Variants in CRB1 observed in about 807,000 individuals in gnomAD.
The protein encoded by CRB1 is protein crumbs homolog 1.
CRB1 carries 83 observed loss-of-function variants against 120.0 expected under a neutral mutation model. The observed-to-expected ratio is 0.69, with a 90% CI of 0.58 to 0.83. The LOEUF (loss-of-function observed/expected upper bound fraction) is 0.83, where lower values mean the gene tolerates loss of function less well. Among genes scored for constraint, CRB1 ranks in the 40% least tolerant of loss-of-function variants. The pLI is 0.00. For synonymous variants in CRB1, 625 were observed against 612.5 expected, an observed-to-expected ratio of 1.02 and a Z score of -0.30; for missense variants, 1,699 against 1,687.6, an observed-to-expected ratio of 1.01 and a Z score of -0.12.
the CRB1 span, among the ~76,000 whole-genome samples, chr1:197,260,132 G>A: frequency 1.2e-4 from 18 of 151,902 alleles, no homozygotes; most frequent in Admixed American, 1.1e-3. Context: ...TCCAGGCTGG[G>A]TGACAGAGTG....
rs1204363918 is a variant in CRB1, at chr1:197,421,884, C to T, written c.2056C>T (p.Arg686Cys). Residue 686 changes from arginine to cysteine, a missense_variant, in exon 6 of 12, where the codon CGC becomes TGC. Arg to Cys is a radical substitution (Grantham distance 180). Transcript: ENST00000367400. Reference sequence around the variant, plus strand: ...AAGCCAACCTTGTCAAAGCAGAGGACGCTGCATCAACTTGTGGCTGAGTTA... The same window carrying T: ...AAGCCAACCTTGTCAAAGCAGAGGATGCTGCATCAACTTGTGGCTGAGTTA... ...CESQPCQSRGRCINLWLSYQC... is the reference protein window; with the variant it reads ...CESQPCQSRGCCINLWLSYQC... 9 of 1,614,154 alleles carry T rather than the reference C, an allele frequency of 5.6e-6. No homozygotes were observed. The highest frequency in any genetic ancestry group is 2.7e-5 in the African/African-American group (2 of 75,040).
intron 1 of CRB1, among the ~76,000 whole-genome samples, chr1:197,307,907 AC>A (rs1331665509): frequency 6.6e-6 from 1 of 152,142 alleles, no homozygotes; most frequent in Non-Finnish European, 1.5e-5. Context: ...TTTTCGAGCT[AC>A]CATTTAACCC....
intron 4 of CRB1, among the ~76,000 whole-genome samples, chr1:197,356,105 T>C (rs2125353054): frequency 6.6e-6 from 1 of 152,366 alleles, no homozygotes; most frequent in East Asian, 1.9e-4. Flanking sequence ...ATTACTAACA[T>C]GGCTAGACTG....
intron 1 of CRB1, among the ~76,000 whole-genome samples, chr1:197,282,901 G>C (rs1175279425): frequency 1.3e-5 from 2 of 151,506 alleles, no homozygotes; most frequent in Admixed American, 1.3e-4. Context: ...CCCTCTCCTG[G>C]GTTCCCAAAT....
At chr1:197,380,706 A>G (rs146586036) in intron 5 of CRB1, among the ~76,000 whole-genome samples, 2,112 of 152,236 alleles carry the variant, frequency 0.014, 44 homozygotes, top group Non-Finnish European at 0.015. Flanking sequence ...AAATGCTACA[A>G]GAAATTAAAA....
chr1:197,287,432 C>G (rs1161175547), intron 1 of CRB1, among the ~76,000 whole-genome samples: 3 of 151,838 alleles, frequency 2.0e-5, no homozygotes, highest in Admixed American at 6.6e-5. Context: ...GACTTACTTT[C>G]AGTTTCCTAA....
intron 3 of CRB1, among the ~76,000 whole-genome samples, chr1:197,346,546 C>T (rs566841774): frequency 2.2e-4 from 33 of 152,242 alleles, no homozygotes; most frequent in Middle Eastern, 3.4e-3. Context: ...ACAGCCATAG[C>T]GAAGAGGACT....
intron 11 of CRB1, among the ~76,000 whole-genome samples, chr1:197,449,139 A>G (rs1665835543): frequency 6.6e-6 from 1 of 152,190 alleles, no homozygotes; most frequent in Non-Finnish European, 1.5e-5. Context: ...CCTTAGTTGT[A>G]ACATCATAGT....
At chr1:197,313,093 G>C (rs1657638975) in intron 1 of CRB1, among the ~76,000 whole-genome samples, 1 of 152,106 alleles carries the variant, frequency 6.6e-6, no homozygotes, top group African/African-American at 2.4e-5. Context: ...CATGGCCAAA[G>C]GTGAAGGGGA....
chr1:197,253,062 A>AGTGCATGATGTATATGATG, the CRB1 span, among the ~76,000 whole-genome samples: 1 of 152,074 alleles, frequency 6.6e-6, no homozygotes, highest in Non-Finnish European at 1.5e-5. Context: ...ACATGAAATT[A>AGTGCATGATGTATATGATG]ACCATCATAA....
At chr1:197,265,372 T>C (rs1427704415), upstream of CRB1, among the ~76,000 whole-genome samples, 1 of 151,114 alleles carries the variant, frequency 6.6e-6, no homozygotes, top group African/African-American at 2.4e-5. Context: ...CTTCCTTTTG[T>C]CCTCCCTTCC....
chr1:197,415,190 T>C (rs933571521), intron 5 of CRB1, among the ~76,000 whole-genome samples: 7 of 152,180 alleles, frequency 4.6e-5, no homozygotes, highest in African/African-American at 1.7e-4. Context: ...AAAGGATAAA[T>C]GAGAGTGTAC....
chr1:197,201,784 G>A, the CRB1 span, among the ~76,000 whole-genome samples: 3 of 152,202 alleles, frequency 2.0e-5, no homozygotes, highest in East Asian at 3.8e-4. Flanking sequence ...ACCCAGCGAT[G>A]CTGATCTCGT....
At chr1:197,205,249 C>T in the CRB1 span, among the ~76,000 whole-genome samples, 2 of 151,922 alleles carry the variant, frequency 1.3e-5, no homozygotes, top group African/African-American at 2.4e-5. Flanking sequence ...CTTTATTTCT[C>T]GTCTGATTGT....
chr1:197,395,438 T>C (rs1662724155), intron 5 of CRB1, among the ~76,000 whole-genome samples: 1 of 152,168 alleles, frequency 6.6e-6, no homozygotes, highest in South Asian at 2.1e-4. Context: ...CTTAGAAGAT[T>C]GCATGATATG....
At chr1:197,369,330 CA>C (rs1467113253) in intron 5 of CRB1, among the ~76,000 whole-genome samples, 3 of 152,082 alleles carry the variant, frequency 2.0e-5, no homozygotes, top group Admixed American at 1.3e-4. Flanking sequence ...AGAAGACCCT[CA>C]GAAACACCCC....
the CRB1 span, among the ~76,000 whole-genome samples, chr1:197,209,376 G>A: frequency 1.5e-4 from 23 of 151,958 alleles, no homozygotes; most frequent in African/African-American, 2.9e-4. Flanking sequence ...ATGGAGTCTC[G>A]CTCTGTTGCC....
Position 197,421,906 on chromosome 1 carries a change from GTTA to G in CRB1, c.2079_2081del (p.Tyr694del). The G allele has an allele frequency of 1.2e-6, 2 of 1,614,198 alleles. No homozygotes were observed. The highest frequency in any genetic ancestry group is 1.7e-6 in the Non-Finnish European group (2 of 1,180,044). ...GGACGCTGCATCAACTTGTGGCTGAGTTACCAGTGTGACTGCCACAGGCCCTAT... is the reference window on the plus strand; with the variant it reads ...GGACGCTGCATCAACTTGTGGCTGAGCCAGTGTGACTGCCACAGGCCCTAT... On this transcript the variant is annotated inframe_deletion, in exon 6 of 12. Transcript: ENST00000367400.
intron 8 of CRB1, among the ~76,000 whole-genome samples, chr1:197,434,018 GA>G (rs1665002019): frequency 6.6e-6 from 1 of 152,098 alleles, no homozygotes. Flanking sequence ...ATAGAATGGG[GA>G]AAAAAGTTTT....
Sources: allele counts gnomAD v4.1 joint callset (sites outside exome capture counted in the v4.1 genomes callset), GRCh38; gene constraint gnomAD v4.1.1; transcripts MANE v1.5; gene names NCBI Gene and HGNC (gene_info 2026-07-23, HGNC 2026-07-21).